Variants in NEGR1 observed in about 807,000 individuals in gnomAD.
The protein encoded by NEGR1 is IgLON family member 4.
A neutral mutation model predicts 40.9 loss-of-function variants in NEGR1; 10 were observed. That is an observed-to-expected ratio of 0.24 (90% CI 0.15 to 0.42). The LOEUF (loss-of-function observed/expected upper bound fraction) is 0.42. NEGR1 is among the 10% of genes least tolerant of loss of function. NEGR1 has a pLI of 1.00. For missense variants in NEGR1, 352 were observed against 438.9 expected (o/e 0.80, Z 1.77); for synonymous variants, 185 against 166.8 (o/e 1.11, Z -0.84).
chr1:71,564,176 T>A (rs1254004863), intron 6 of NEGR1, among the ~76,000 whole-genome samples: 3 of 151,988 alleles, frequency 2.0e-5, no homozygotes, highest in Non-Finnish European at 4.4e-5. Flanking sequence ...TTTCGCAAGA[T>A]CTCAGGTGAT....
intron 5 of NEGR1, among the ~76,000 whole-genome samples, chr1:71,593,423 C>T (rs1297108883): frequency 6.6e-6 from 1 of 152,114 alleles, no homozygotes; most frequent in African/African-American, 2.4e-5. Flanking sequence ...TGAAAGTTAA[C>T]CCTACAACTG....
intron 4 of NEGR1, among the ~76,000 whole-genome samples, chr1:71,676,829 C>T (rs973062093): frequency 6.6e-6 from 1 of 152,150 alleles, no homozygotes; most frequent in Non-Finnish European, 1.5e-5. Context: ...TGAAGGAGGA[C>T]ATTTTAAGCA....
chr1:71,745,185 T>C (rs1358063765), intron 3 of NEGR1, among the ~76,000 whole-genome samples: 2 of 152,202 alleles, frequency 1.3e-5, no homozygotes, highest in Non-Finnish European at 2.9e-5. Flanking sequence ...TTATGTATAA[T>C]TAACCTTTGT....
intron 1 of NEGR1, among the ~76,000 whole-genome samples, chr1:72,109,133 G>A (rs1364742697): frequency 6.6e-6 from 1 of 151,496 alleles, no homozygotes; most frequent in Non-Finnish European, 1.5e-5. Context: ...TAGTTATGTA[G>A]ACAAATTTCT....
At chr1:71,688,367 G>GATATATATATATATAAA (rs1491505759) in intron 4 of NEGR1, among the ~76,000 whole-genome samples, 7 of 28,192 alleles carry the variant, frequency 2.5e-4, no homozygotes, top group South Asian at 1.0e-3. Context: ...ATATATATAT[G>GATATATATATATATAAA]AGATATATAC....
intron 4 of NEGR1, among the ~76,000 whole-genome samples, chr1:71,640,646 T>C (rs532168004): frequency 1.3e-5 from 2 of 151,998 alleles, no homozygotes; most frequent in Admixed American, 1.3e-4. Flanking sequence ...CTAGAGGAAA[T>C]TATCTCAACA....
At chr1:72,216,365 TG>T (rs1187434708) in intron 1 of NEGR1, among the ~76,000 whole-genome samples, 1 of 131,280 alleles carries the variant, frequency 7.6e-6, no homozygotes, top group Non-Finnish European at 1.5e-5. Context: ...TCCTAGAACT[TG>T]GAAGTTATAT....
chr1:72,061,160 T>G (rs74086905), intron 1 of NEGR1, among the ~76,000 whole-genome samples: 197 of 151,670 alleles, frequency 1.3e-3, no homozygotes, highest in African/African-American at 4.0e-3. Context: ...TAGAAAAGAT[T>G]AACATAAAAA....
chr1:71,864,692 T>C (rs1343356765), intron 2 of NEGR1, among the ~76,000 whole-genome samples: 3 of 151,914 alleles, frequency 2.0e-5, no homozygotes, highest in Admixed American at 1.3e-4. Context: ...AGGGCCAAAA[T>C]AGAACAGGAA....
intron 1 of NEGR1, among the ~76,000 whole-genome samples, chr1:72,090,238 A>T (rs919228923): frequency 6.6e-6 from 1 of 152,020 alleles, no homozygotes; most frequent in African/African-American, 2.4e-5. Flanking sequence ...ATATTAATGG[A>T]ATGACTTAAG....
chr1:71,568,732 T>C (rs991309118), intron 6 of NEGR1, among the ~76,000 whole-genome samples: 30 of 152,036 alleles, frequency 2.0e-4, no homozygotes, highest in Non-Finnish European at 2.6e-4. Context: ...ATGTGTAAAT[T>C]ATATATATGT....
chr1:71,973,415 G>T (rs1396431793), intron 1 of NEGR1, among the ~76,000 whole-genome samples: 1 of 151,738 alleles, frequency 6.6e-6, no homozygotes, highest in Non-Finnish European at 1.5e-5. Context: ...TGTCCTCCAG[G>T]CTGTGAGAGA....
chr1:72,188,155 A>G (rs1331248026), intron 1 of NEGR1, among the ~76,000 whole-genome samples: 1 of 151,470 alleles, frequency 6.6e-6, no homozygotes, highest in Non-Finnish European at 1.5e-5. Flanking sequence ...ACTCTGTGCC[A>G]TTCTCTAGTT....
intron 6 of NEGR1, among the ~76,000 whole-genome samples, chr1:71,411,535 C>G (rs1646321089): frequency 6.6e-6 from 1 of 152,024 alleles, no homozygotes; most frequent in Non-Finnish European, 1.5e-5. Flanking sequence ...TGCTATTTAC[C>G]TTAAGTAAAA....
At chr1:71,558,455 G>A (rs911412999) in intron 6 of NEGR1, among the ~76,000 whole-genome samples, 3 of 151,466 alleles carry the variant, frequency 2.0e-5, no homozygotes, top group African/African-American at 7.3e-5. Flanking sequence ...GTGTTTCTCT[G>A]TTCCCTCATT....
chr1:71,426,915 T>A (rs1646432352), intron 6 of NEGR1, among the ~76,000 whole-genome samples: 1 of 151,872 alleles, frequency 6.6e-6, no homozygotes, highest in Non-Finnish European at 1.5e-5. Context: ...CAGCACCTGC[T>A]TTGAAAATCC....
rs569439702 is a variant in NEGR1, at chr1:72,135,319, T to C, written c.176+147000A>G. Among the ~76,000 whole-genome samples the C allele has an allele frequency of 3.8e-4, 50 of 130,602 alleles. 1 individual carries two copies. The Middle Eastern group carries it at 0.014, about 37-fold the overall frequency. The allele number at this position is 130,602 out of a possible 152,430, so 85.7% of individuals were successfully genotyped here. Reference sequence around the variant, plus strand: ...TGAACCCGGGAGGCGGAGCTTGCAGTGAGCCGAGATCTCGCCACTGCATTC... The same window carrying C: ...TGAACCCGGGAGGCGGAGCTTGCAGCGAGCCGAGATCTCGCCACTGCATTC... On this transcript the variant is annotated intron_variant, in intron 1 of 6. Transcript: ENST00000357731.
At chr1:71,603,525 G>A (rs530232389) in intron 5 of NEGR1, among the ~76,000 whole-genome samples, 5 of 152,310 alleles carry the variant, frequency 3.3e-5, no homozygotes, top group Admixed American at 6.5e-5. Context: ...TACAAGGAAT[G>A]AGTAAGATAG....
At chr1:72,274,010 T>TTA (rs1655951606) in intron 1 of NEGR1, among the ~76,000 whole-genome samples, 1 of 151,038 alleles carries the variant, frequency 6.6e-6, no homozygotes, top group Non-Finnish European at 1.5e-5. Flanking sequence ...TTTTTTTTTT[T>TTA]AGTTTCCAGA....
Sources: gnomAD v4.1 joint callset for allele counts (sites outside exome capture counted in the v4.1 genomes callset) on GRCh38, gnomAD v4.1.1 for gene constraint, MANE v1.5 for transcripts, NCBI Gene and HGNC (gene_info 2026-07-23, HGNC 2026-07-21) for gene names.